SPAG16: variants seen among roughly 807,000 people sequenced by gnomAD.
SPAG16 encodes sperm associated antigen 16, also known as sperm-associated antigen 16 protein.
SPAG16 carries 86 observed loss-of-function variants against 80.4 expected under a neutral mutation model. That is an observed-to-expected ratio of 1.07 (90% confidence interval 0.90 to 1.28). The LOEUF is 1.28. SPAG16 is among the 50% of genes most tolerant of loss of function. The pLI is 0.00. For missense variants in SPAG16, 870 were observed against 765.3 expected (o/e 1.14, Z -1.61); for synonymous variants, 294 against 265.9 (o/e 1.11, Z -1.03).
At chr2:213,686,627 T>C (rs982022585) in intron 10 of SPAG16, among the ~76,000 whole-genome samples, 3 of 151,824 alleles carry the variant, frequency 2.0e-5, no homozygotes, top group African/African-American at 4.8e-5. Flanking sequence ...AATATTTAGT[T>C]CACTTACATT....
intron 15 of SPAG16, among the ~76,000 whole-genome samples, chr2:214,193,395 A>ATGTG (rs60839638): frequency 1.2e-3 from 146 of 124,444 alleles, no homozygotes; most frequent in African/African-American, 2.2e-3. Flanking sequence ...GAGATCTTTT[A>ATGTG]TGTGTGTGTG....
intron 15 of SPAG16, among the ~76,000 whole-genome samples, chr2:214,226,820 C>G (rs950029368): frequency 2.0e-5 from 3 of 152,054 alleles, no homozygotes; most frequent in Non-Finnish European, 4.4e-5. Context: ...AGCTGATCCC[C>G]TGGCTCTTAA....
intron 11 of SPAG16, among the ~76,000 whole-genome samples, chr2:213,901,626 T>A (rs10195668): frequency 0.58 from 88,276 of 151,328 alleles, 27,500 homozygotes; most frequent in South Asian, 0.84. Flanking sequence ...ACATGTAAAC[T>A]TGTACAGGAA....
intron 10 of SPAG16, among the ~76,000 whole-genome samples, chr2:213,590,137 G>C (rs1322524007): frequency 1.3e-5 from 2 of 152,050 alleles, no homozygotes; most frequent in Non-Finnish European, 2.9e-5. Context: ...TGAAAATCAG[G>C]CTAGAAAATG....
intron 9 of SPAG16, among the ~76,000 whole-genome samples, chr2:213,403,373 C>T (rs9678777): frequency 4.0e-5 from 6 of 151,854 alleles, no homozygotes; most frequent in Admixed American, 6.6e-5. Context: ...CCCATTCTGT[C>T]GGTTGCCTGT....
At chr2:213,705,540 A>G (rs77607333) in intron 10 of SPAG16, among the ~76,000 whole-genome samples, 10,235 of 152,216 alleles carry the variant, frequency 0.067, 1,038 homozygotes, top group African/African-American at 0.22. Flanking sequence ...GTAGGAATAA[A>G]TATAGTGAAA....
intron 12 of SPAG16, among the ~76,000 whole-genome samples, chr2:213,932,034 T>G (rs1449158214): frequency 6.6e-6 from 1 of 151,556 alleles, no homozygotes; most frequent in Non-Finnish European, 1.5e-5. Flanking sequence ...CTTCAAAATT[T>G]CATAGATTAC....
At chr2:214,135,723 GTCTC>G (rs372301135) in intron 14 of SPAG16, among the ~76,000 whole-genome samples, 44 of 145,720 alleles carry the variant, frequency 3.0e-4, no homozygotes, top group East Asian at 6.2e-4. Flanking sequence ...CTGTCTCTCT[GTCTC>G]TCTCTCTCTC....
intron 10 of SPAG16, among the ~76,000 whole-genome samples, chr2:213,607,270 T>A (rs1278119877): frequency 6.6e-6 from 1 of 152,212 alleles, no homozygotes; most frequent in Non-Finnish European, 1.5e-5. Context: ...TAGTAAAATA[T>A]TTCTTTCCTT....
At chr2:214,161,512 G>A (rs1224341174) in intron 15 of SPAG16, among the ~76,000 whole-genome samples, 1 of 152,118 alleles carries the variant, frequency 6.6e-6, no homozygotes, top group Non-Finnish European at 1.5e-5. Context: ...GCATGAGATG[G>A]TATGTCATTG....
intron 11 of SPAG16, among the ~76,000 whole-genome samples, chr2:213,927,524 AT>A (rs2078539583): frequency 6.6e-6 from 1 of 152,238 alleles, no homozygotes; most frequent in African/African-American, 2.4e-5. Context: ...AGGCAAAACC[AT>A]TTCAAAAGAA....
At chr2:213,990,351 T>C (rs1353412604) in intron 12 of SPAG16, among the ~76,000 whole-genome samples, 2 of 152,128 alleles carry the variant, frequency 1.3e-5, no homozygotes, top group African/African-American at 4.8e-5. Flanking sequence ...ACGTGATTCT[T>C]AAACAATGCA....
At chr2:213,923,416 C>A (rs192340598) in intron 11 of SPAG16, among the ~76,000 whole-genome samples, 48 of 152,202 alleles carry the variant, frequency 3.2e-4, no homozygotes, top group African/African-American at 1.1e-3. Context: ...CAAACAGAAG[C>A]CAGACTGCTG....
At chr2:214,301,097 T>A (rs977090887) in intron 15 of SPAG16, among the ~76,000 whole-genome samples, 2 of 148,962 alleles carry the variant, frequency 1.3e-5, no homozygotes, top group African/African-American at 2.5e-5. Context: ...CAGAAGCACA[T>A]CAAAAAGAAA....
intron 10 of SPAG16, among the ~76,000 whole-genome samples, chr2:213,491,382 T>G (rs2074227923): frequency 1.3e-5 from 2 of 152,214 alleles, no homozygotes; most frequent in Admixed American, 6.6e-5. Flanking sequence ...TTCAGACAAC[T>G]TCAGATGATC....
At chr2:213,806,751 T>C (rs2071793018) in intron 10 of SPAG16, among the ~76,000 whole-genome samples, 1 of 152,188 alleles carries the variant, frequency 6.6e-6, no homozygotes, top group South Asian at 2.1e-4. Flanking sequence ...ATGGATGATT[T>C]TTTAAAAAGA....
At chr2:213,937,945 C>T (rs1027941) in intron 12 of SPAG16, among the ~76,000 whole-genome samples, 111,572 of 151,776 alleles carry the variant, frequency 0.74, 41,278 homozygotes, top group South Asian at 0.86. Flanking sequence ...TATTCCTTTC[C>T]ACAGCAAATG....
At chr2:213,599,628 C>T (rs568332639) in intron 10 of SPAG16, among the ~76,000 whole-genome samples, 17 of 152,022 alleles carry the variant, frequency 1.1e-4, no homozygotes, top group Non-Finnish European at 1.9e-4. Context: ...ATGTGTTAAC[C>T]GACTTGTTGA....
chr2:214,026,224 A>G (rs1224256629), intron 13 of SPAG16, among the ~76,000 whole-genome samples: 1 of 151,276 alleles, frequency 6.6e-6, no homozygotes, highest in Non-Finnish European at 1.5e-5. Context: ...ACATACATGC[A>G]TATATATACA....
Sources: gnomAD v4.1 joint callset for allele counts (sites outside exome capture counted in the v4.1 genomes callset) on GRCh38, gnomAD v4.1.1 for gene constraint, MANE v1.5 for transcripts, NCBI Gene and HGNC (gene_info 2026-07-23, HGNC 2026-07-21) for gene names.